The following STK32C variants were observed in gnomAD, a reference collection of about 807,000 sequenced individuals.
STK32C encodes the protein serine/threonine-protein kinase 32C.
A neutral mutation model predicts 56.5 loss-of-function variants in STK32C; 31 were observed. That is an observed-to-expected ratio of 0.55 (90% CI 0.41 to 0.74). The LOEUF (loss-of-function observed/expected upper bound fraction) is 0.74, where lower values mean the gene tolerates loss of function less well. STK32C is among the 30% of genes least tolerant of loss of function. The pLI, the probability that STK32C is intolerant of heterozygous loss-of-function variation, is 0.00. For synonymous variants in STK32C, 309 were observed against 289.4 expected (o/e 1.07, Z -0.69); for missense variants, 544 against 676.9 (o/e 0.80, Z 2.18).
intron 2 of STK32C, among the ~76,000 whole-genome samples, chr10:132,244,266 C>A (rs538259336): frequency 6.6e-6 from 1 of 152,336 alleles, no homozygotes; most frequent in African/African-American, 2.4e-5. Context: ...CATCTGAACA[C>A]GGCACCCAGC....
chr10:132,214,000 A>G (rs1380407488), intron 10 of STK32C, among the ~76,000 whole-genome samples: 2 of 152,188 alleles, frequency 1.3e-5, no homozygotes, highest in Non-Finnish European at 2.9e-5. Context: ...GAAAAAAATG[A>G]ACAGAATATC....
At chr10:132,274,992 G>A (rs2064954171) in intron 1 of STK32C, among the ~76,000 whole-genome samples, 1 of 152,192 alleles carries the variant, frequency 6.6e-6, no homozygotes, top group Non-Finnish European at 1.5e-5. Flanking sequence ...AGAACCCTGT[G>A]CCAGCCCCAG....
At chr10:132,214,759 A>ACTT (rs1453001830) in intron 10 of STK32C, among the ~76,000 whole-genome samples, 1 of 152,252 alleles carries the variant, frequency 6.6e-6, no homozygotes, top group Non-Finnish European at 1.5e-5. Flanking sequence ...AGGTGCCGTC[A>ACTT]CAAGGCATCC....
chr10:132,309,103 A>G (rs1456153302), upstream of STK32C, among the ~76,000 whole-genome samples: 2 of 152,108 alleles, frequency 1.3e-5, no homozygotes, highest in Non-Finnish European at 2.9e-5. Flanking sequence ...CTCCAAGGCC[A>G]GTGTCTCCCG....
chr10:132,213,757 G>C (rs2062386465), intron 10 of STK32C, among the ~76,000 whole-genome samples: 3 of 152,216 alleles, frequency 2.0e-5, no homozygotes, highest in Non-Finnish European at 4.4e-5. Context: ...AGGGCTCCAG[G>C]GGAAAAGCAG....
At chr10:132,241,329 C>T (rs967399946) in intron 2 of STK32C, among the ~76,000 whole-genome samples, 2 of 152,184 alleles carry the variant, frequency 1.3e-5, no homozygotes, top group South Asian at 4.1e-4. Flanking sequence ...AGTGGCTCAA[C>T]GACAAGGTCG....
intron 1 of STK32C, among the ~76,000 whole-genome samples, chr10:132,277,396 G>A (rs2065025389): frequency 6.6e-6 from 1 of 152,240 alleles, no homozygotes; most frequent in East Asian, 1.9e-4. Context: ...GACCACACCA[G>A]GGCCCTGAAC....
chr10:132,278,897 C>G (rs1456764581), intron 1 of STK32C, among the ~76,000 whole-genome samples: 1 of 152,112 alleles, frequency 6.6e-6, no homozygotes, highest in Non-Finnish European at 1.5e-5. Context: ...GGAGACGGGG[C>G]AGAGGCCACG....
rs1182515923 is a variant in STK32C at position 132,324,866 on chromosome 10, C to A, written c.302-493G>T. Reference sequence around the variant, plus strand: ...GGTTTGGTCTAGAAAGGAAGGACAACTGAAAGTGGGATGGGGAGAGATGCA... The same window carrying A: ...GGTTTGGTCTAGAAAGGAAGGACAAATGAAAGTGGGATGGGGAGAGATGCA... On this transcript the variant is annotated intron_variant, in intron 1 of 1. Transcript: ENST00000368619. 1.3e-5 allele frequency among the ~76,000 whole-genome samples: 2 copies of A among 152,138 alleles called. 1 individual carries two copies. The highest frequency in any genetic ancestry group is 1.3e-4 in the Admixed American group (2 of 15,272).
chr10:132,230,597 G>A (rs1042607247), intron 2 of STK32C, among the ~76,000 whole-genome samples: 1 of 146,824 alleles, frequency 6.8e-6, no homozygotes, highest in Non-Finnish European at 1.5e-5. Context: ...TGGAAAATCC[G>A]GCCCTCACCC....
intron 10 of STK32C, among the ~76,000 whole-genome samples, chr10:132,210,725 C>T (rs952436747): frequency 2.6e-5 from 4 of 152,236 alleles, no homozygotes; most frequent in African/African-American, 9.6e-5. Context: ...TCTCACCTTG[C>T]GCCTCTTCCC....
In STK32C at chr10:132,255,679, T is replaced by C. The variant is rs773572540; in HGVS notation, c.263-9724A>G. ...AGCCCCACGCGGTTTCCTGCACCACTGAGGATGTGTTGAAACCCCAGGGCA... is the reference window on the plus strand; with the variant it reads ...AGCCCCACGCGGTTTCCTGCACCACCGAGGATGTGTTGAAACCCCAGGGCA... On this transcript the variant is annotated intron_variant, in intron 1 of 11. Coordinates refer to ENST00000298630, the MANE Select transcript of STK32C (RefSeq NM_173575.4). The surrounding 1 kb of genome is among the most constrained non-coding windows in gnomAD (Gnocchi z 4.6). Among the ~76,000 whole-genome samples, 30 of 152,200 alleles carry C rather than the reference T, an allele frequency of 2.0e-4. No individual in the cohort carries two copies. Among genetic ancestry groups the C allele is most frequent in the East Asian group, 1.7e-3 (9 of 5,160 alleles).
At chr10:132,280,453 C>T (rs2065145531) in intron 1 of STK32C, among the ~76,000 whole-genome samples, 2 of 146,712 alleles carry the variant, frequency 1.4e-5, no homozygotes, top group African/African-American at 5.1e-5. Flanking sequence ...CGCCACTGCA[C>T]CCCATGATCA....
chr10:132,319,743 G>C (rs2066369003), downstream of STK32C, among the ~76,000 whole-genome samples: 1 of 152,148 alleles, frequency 6.6e-6, no homozygotes. Flanking sequence ...TGTGGGGATG[G>C]TATAAATTTA....
intron 1 of STK32C, among the ~76,000 whole-genome samples, chr10:132,314,945 A>G (rs934864784): frequency 3.3e-5 from 5 of 152,050 alleles, no homozygotes; most frequent in African/African-American, 1.2e-4. Flanking sequence ...GACCAGCCTG[A>G]CCAACACGGA....
chr10:132,283,668 AGAG>A (rs1235162285), intron 1 of STK32C, among the ~76,000 whole-genome samples: 27 of 152,290 alleles, frequency 1.8e-4, no homozygotes, highest in African/African-American at 5.5e-4. Flanking sequence ...AGAGCTGAAG[AGAG>A]GAGGAGGGAG....
chr10:132,276,936 C>G lies in STK32C; in HGVS notation c.262+30636G>C, dbSNP rs533655079. ...GCCCCATCTGGGCTCACTGAACGGC[C>G]TCTGTTCCTGTCCCTCCCCAGCCCA... On this transcript the variant is annotated intron_variant, in intron 1 of 11. Coordinates refer to ENST00000298630, the MANE Select transcript of STK32C (RefSeq NM_173575.4). Among the ~76,000 whole-genome samples the G allele has an allele frequency of 7.9e-4, 121 of 152,388 alleles. 1 individual carries two copies. Among genetic ancestry groups the G allele is most frequent in the African/African-American group, 2.7e-3 (114 of 41,596 alleles).
At chr10:132,215,284 C>T (rs1478143866) in intron 10 of STK32C, among the ~76,000 whole-genome samples, 1 of 152,110 alleles carries the variant, frequency 6.6e-6, no homozygotes, top group East Asian at 1.9e-4. Context: ...TACAGGCATG[C>T]ACTGTTATGC....
At chr10:132,249,051 C>T (rs758971188) in intron 1 of STK32C, 5 of 475,662 alleles carry the variant, frequency 1.1e-5, no homozygotes, top group South Asian at 6.3e-5. Context: ...CCCGACTGTG[C>T]GACGGAGGCG....
Sources: allele counts gnomAD v4.1 joint callset (sites outside exome capture counted in the v4.1 genomes callset), GRCh38; gene constraint gnomAD v4.1.1; non-coding constraint Gnocchi (gnomAD v3.1); transcripts MANE v1.5; gene names NCBI Gene and HGNC (gene_info 2026-07-23, HGNC 2026-07-21).